Variants in SERPINB8 observed in about 807,000 individuals in gnomAD.
SERPINB8 encodes the protein serpin family B member 8, also known as serpin B8.
SERPINB8 carries 25 observed loss-of-function variants against 35.3 expected under a neutral mutation model. The ratio of observed to expected loss-of-function variants is 0.71; its 90% CI spans 0.52 to 0.99. SERPINB8 has a LOEUF of 0.99. SERPINB8 is among the 50% of genes least tolerant of loss of function. The pLI is 0.00. For missense variants in SERPINB8, 484 were observed against 446.5 expected (o/e 1.08, Z -0.76); for synonymous variants, 186 against 160.8 (o/e 1.16, Z -1.19).
chr18:64,017,916 T>G (rs2050958082), intron 7 of SERPINB8, among the ~76,000 whole-genome samples: 1 of 152,232 alleles, frequency 6.6e-6, no homozygotes, highest in Non-Finnish European at 1.5e-5. Flanking sequence ...GAAATACTAG[T>G]TATAATAATA....
chr18:63,976,982 G>A (rs985292492), intron 1 of SERPINB8, among the ~76,000 whole-genome samples: 2 of 151,820 alleles, frequency 1.3e-5, no homozygotes, highest in African/African-American at 4.8e-5. Flanking sequence ...TCCAAATTTG[G>A]TGAAATGTAT....
downstream of SERPINB8, among the ~76,000 whole-genome samples, chr18:64,009,465 GC>G (rs2144848457): frequency 6.6e-6 from 1 of 152,328 alleles, no homozygotes; most frequent in Non-Finnish European, 1.5e-5. Context: ...TAGTGATGTA[GC>G]ATGGTGTGTA....
At chr18:63,997,050 A>G (rs2050853147) in intron 1 of SERPINB8, among the ~76,000 whole-genome samples, 1 of 152,132 alleles carries the variant, frequency 6.6e-6, no homozygotes, top group Non-Finnish European at 1.5e-5. Flanking sequence ...TACAGGTCTC[A>G]ACAACATTTC....
At chr18:63,971,741 T>C (rs943192520) in intron 1 of SERPINB8, among the ~76,000 whole-genome samples, 1 of 152,208 alleles carries the variant, frequency 6.6e-6, no homozygotes, top group African/African-American at 2.4e-5. Context: ...TGCACTCATA[T>C]GAGACGTTTG....
At chr18:63,971,150 A>G (rs1265279306) in intron 1 of SERPINB8, among the ~76,000 whole-genome samples, 2 of 152,090 alleles carry the variant, frequency 1.3e-5, no homozygotes, top group African/African-American at 4.8e-5. Flanking sequence ...GCTGGGTCTC[A>G]GTCTCCGTTT....
At chr18:63,972,029 T>G (rs913579599) in intron 1 of SERPINB8, among the ~76,000 whole-genome samples, 1 of 151,994 alleles carries the variant, frequency 6.6e-6, no homozygotes, top group African/African-American at 2.4e-5. Context: ...TTTTAATAAG[T>G]TTCATTACCT....
intron 4 of SERPINB8, among the ~76,000 whole-genome samples, chr18:63,982,089 A>C (rs914117707): frequency 2.6e-5 from 4 of 152,146 alleles, no homozygotes; most frequent in Admixed American, 1.3e-4. Context: ...TCCCTGGAAA[A>C]TGGCTCCTCC....
intron 7 of SERPINB8, among the ~76,000 whole-genome samples, chr18:64,012,386 A>C (rs1295700544): frequency 6.6e-6 from 1 of 152,156 alleles, no homozygotes; most frequent in Non-Finnish European, 1.5e-5. Context: ...AAGTATACAC[A>C]TCAAATGCTG....
At chr18:63,999,085 C>A (rs542023289) in intron 1 of SERPINB8, among the ~76,000 whole-genome samples, 4 of 152,300 alleles carry the variant, frequency 2.6e-5, no homozygotes, top group Admixed American at 1.3e-4. Context: ...GACATGAGAA[C>A]CTTTGGTCCT....
At chr18:64,002,968 C>T (rs948057137) in intron 1 of SERPINB8, among the ~76,000 whole-genome samples, 1 of 152,178 alleles carries the variant, frequency 6.6e-6, no homozygotes, top group African/African-American at 2.4e-5. Flanking sequence ...TGGAAGCCCC[C>T]GGCACGCTCA....
intron 1 of SERPINB8, among the ~76,000 whole-genome samples, chr18:64,000,145 G>A (rs560237269): frequency 3.6e-4 from 55 of 152,280 alleles, no homozygotes; most frequent in African/African-American, 1.3e-3. Context: ...GGAAGAGTCC[G>A]GCTCTCTAAA....
At chr18:63,974,262 G>A (rs1208176915) in intron 1 of SERPINB8, among the ~76,000 whole-genome samples, 1 of 151,934 alleles carries the variant, frequency 6.6e-6, no homozygotes, top group African/African-American at 2.4e-5. Flanking sequence ...TCTTCTTTAG[G>A]GTGTAAGCTT....
At position 63,981,892 on chromosome 18, in the gene SERPINB8, T is replaced by C. The variant is rs1427919290; in HGVS notation, c.424+54T>C. On this transcript the variant is annotated intron_variant, in intron 4 of 6. Transcript: ENST00000397985. Reference sequence around the variant, plus strand: ...GAATTACTATACAACGAGGCTTAGATTGACTGGGATGGGACTTCCCAGGGT... The same window carrying C: ...GAATTACTATACAACGAGGCTTAGACTGACTGGGATGGGACTTCCCAGGGT... 1.0e-5 allele frequency: 13 copies of C among 1,303,912 alleles called. No homozygotes were observed. In the East Asian group the frequency reaches 1.8e-4, roughly 19 times the overall value. 80.8% of individuals were successfully genotyped at this position (1,303,912 alleles called of 1,614,324 possible).
intron 7 of SERPINB8, among the ~76,000 whole-genome samples, chr18:64,017,516 CT>C (rs1305733241): frequency 6.6e-6 from 1 of 152,118 alleles, no homozygotes; most frequent in Non-Finnish European, 1.5e-5. Context: ...TCAGTATGTT[CT>C]ACAATGCTAG....
At chr18:64,000,676 T>C (rs901474142) in intron 1 of SERPINB8, among the ~76,000 whole-genome samples, 10 of 152,142 alleles carry the variant, frequency 6.6e-5, no homozygotes, top group African/African-American at 2.4e-4. Context: ...CAAGACCTCC[T>C]TATTAGGGGG....
At chr18:63,976,707 C>T (rs564556157) in intron 1 of SERPINB8, among the ~76,000 whole-genome samples, 2 of 152,290 alleles carry the variant, frequency 1.3e-5, no homozygotes, top group African/African-American at 4.8e-5. Context: ...AAAGTTAATT[C>T]AAGCTGAGGG....
At chr18:63,993,496 C>T (rs75929149), downstream of SERPINB8, among the ~76,000 whole-genome samples, 124 of 152,234 alleles carry the variant, frequency 8.1e-4, no homozygotes, top group African/African-American at 2.9e-3. Context: ...GGAAATGCTC[C>T]ATGATCACTT....
rs2050618943 is a variant in SERPINB8 at position 63,978,465 on chromosome 18, C to T, written c.157C>T (p.Gln53Ter). 1.9e-6 allele frequency: 3 copies of T among 1,614,152 alleles called. No homozygotes were observed. Among genetic ancestry groups the T allele is most frequent in the Non-Finnish European group, 8.5e-7 (1 of 1,180,018 alleles). Reference protein sequence around the residue: ...FMGAKGSTAAQMSQALCLYKD... With the variant: ...FMGAKGSTAA The stretch of plus-strand genomic sequence containing the variant: ...GGGGGCAAAGGGAAGCACTGCAGCC[C>T]AGATGTCCCAGGTATGTGTGCTTGT... Residue 53 changes from glutamine to a stop codon, truncating the protein, a stop_gained, in exon 2 of 7, where the codon CAG becomes TAG. Transcript: ENST00000397985. LOFTEE classifies it high-confidence loss of function.
downstream of SERPINB8, among the ~76,000 whole-genome samples, chr18:64,006,063 T>C (rs537123085): frequency 6.6e-6 from 1 of 152,270 alleles, no homozygotes; most frequent in East Asian, 1.9e-4. Context: ...CAAGAGGCTT[T>C]TAAAAAGATT....
Sources: gnomAD v4.1 joint callset for allele counts (sites outside exome capture counted in the v4.1 genomes callset) on GRCh38, gnomAD v4.1.1 for gene constraint, MANE v1.5 for transcripts, NCBI Gene and HGNC (gene_info 2026-07-23, HGNC 2026-07-21) for gene names.